The following TRIB3 variants were observed in gnomAD, a reference collection of about 807,000 sequenced individuals.
TRIB3 encodes tribbles homolog 3.
Under a neutral mutation model 16.6 loss-of-function variants are expected in TRIB3, and 20 were observed. That is an observed-to-expected ratio of 1.20 (90% CI 0.85 to 1.75). The LOEUF (loss-of-function observed/expected upper bound fraction) is 1.75. Ranked by LOEUF, TRIB3 falls within the 40% of genes most tolerant of loss-of-function variation. The pLI is 0.00. For synonymous variants in TRIB3, 208 were observed against 217.0 expected (o/e 0.96, Z 0.36); for missense variants, 484 against 488.9 (o/e 0.99, Z 0.10).
chr20:383,009 CGCACCAATGCCCATACCTGGGCAT>C (rs1568531651), intron 1 of TRIB3, among the ~76,000 whole-genome samples: 1 of 152,184 alleles, frequency 6.6e-6, no homozygotes, highest in East Asian at 1.9e-4. Context: ...TGAGGTCTCT[CGCACCAATGCCCATACCTGGGCAT>C]GCACCTCCTT....
intron 3 of TRIB3, among the ~76,000 whole-genome samples, chr20:395,302 C>T (rs1042757730): frequency 6.6e-6 from 1 of 151,934 alleles, no homozygotes; most frequent in Admixed American, 6.6e-5. Flanking sequence ...GCTGGGACTA[C>T]AGGTGCGAAT....
At chr20:393,199 C>T (rs548312018) in intron 3 of TRIB3, among the ~76,000 whole-genome samples, 27 of 152,288 alleles carry the variant, frequency 1.8e-4, no homozygotes, top group Non-Finnish European at 3.2e-4. Flanking sequence ...TCCCACTTCC[C>T]GAGTTTCCCA....
At chr20:384,765 G>A (rs2014754158) in intron 1 of TRIB3, among the ~76,000 whole-genome samples, 1 of 152,276 alleles carries the variant, frequency 6.6e-6, no homozygotes, top group Non-Finnish European at 1.5e-5. Context: ...ACTGTATGTG[G>A]TACTTCTGAA....
intron 2 of TRIB3, among the ~76,000 whole-genome samples, chr20:390,900 G>A (rs996371956): frequency 5.3e-5 from 8 of 151,592 alleles, no homozygotes; most frequent in Non-Finnish European, 7.4e-5. Flanking sequence ...TACACTGGGG[G>A]CTGAAGCGGG....
In TRIB3 at chr20:396,652, G is replaced by A. The variant is rs56342286; in HGVS notation, c.1039G>A (p.Glu347Lys). ...TGGACTGGGGCTGGACGAAGCCAGG[G>A]AAGAGGAGGGAGACAGAGAAGTGGT... is the stretch of plus-strand genomic sequence containing the variant. ...PDGLGLDEAREEEGDREVVLY... is the reference protein window; with the variant it reads ...PDGLGLDEARKEEGDREVVLY... Residue 347 changes from glutamate to lysine, a missense_variant, in exon 4 of 4, where the codon GAA (glutamate) becomes AAA (lysine). By Grantham distance (56) the Glu-to-Lys change is moderately conservative. Transcript: ENST00000217233. The A allele has an allele frequency of 2.2e-4, 353 of 1,612,638 alleles. 2 individuals are homozygous for A. In the East Asian group the frequency reaches 6.8e-3, roughly 31 times the overall value.
intron 3 of TRIB3, among the ~76,000 whole-genome samples, chr20:394,032 C>CTTTTTTTT (rs745870371): frequency 8.1e-6 from 1 of 123,658 alleles, no homozygotes; most frequent in Non-Finnish European, 1.7e-5. Flanking sequence ...TTCTTTCTTT[C>CTTTTTTTT]TTTTTTTTTT....
At chr20:390,003 TAC>T (rs1405853953) in intron 2 of TRIB3, among the ~76,000 whole-genome samples, 1 of 152,156 alleles carries the variant, frequency 6.6e-6, no homozygotes, top group African/African-American at 2.4e-5. Context: ...TAGTGGGAGA[TAC>T]AGACACTAAA....
intron 3 of TRIB3, among the ~76,000 whole-genome samples, chr20:392,626 G>A (rs1325746827): frequency 6.6e-6 from 1 of 151,792 alleles, no homozygotes; most frequent in East Asian, 1.9e-4. Context: ...GCGCGATCTT[G>A]GCTCACTGCA....
At chr20:384,385 G>A (rs2014739406) in intron 1 of TRIB3, among the ~76,000 whole-genome samples, 1 of 151,844 alleles carries the variant, frequency 6.6e-6, no homozygotes, top group Non-Finnish European at 1.5e-5. Context: ...CTTTTTTTGA[G>A]ACAGAGTCTT....
At chr20:388,327 C>T (rs762354893) in intron 2 of TRIB3, 26 bp downstream of exon 2, 3 of 1,578,622 alleles carry the variant, frequency 1.9e-6, no homozygotes, top group Non-Finnish European at 2.6e-6. Context: ...CGGCTGTCCC[C>T]CAGCACCACA....
In TRIB3 at chr20:388,904, G is replaced by A. The variant is rs140372961; in HGVS notation, c.291+603G>A. Among the ~76,000 whole-genome samples the A allele has an allele frequency of 4.1e-3, 630 of 152,212 alleles. 3 individuals are homozygous for A. The highest frequency in any genetic ancestry group is 0.014 in the African/African-American group (579 of 41,542). On this transcript the variant is annotated intron_variant, in intron 2 of 3. Coordinates refer to ENST00000217233, the MANE Select transcript of TRIB3 (RefSeq NM_021158.5). Reference sequence around the variant, plus strand: ...ATTTTACAGATAGGAAGACTGAGATGAAGACAGGAGAAGGGCCATGCGTGA... The same window carrying A: ...ATTTTACAGATAGGAAGACTGAGATAAAGACAGGAGAAGGGCCATGCGTGA...
At position 396,819 on chromosome 20, in the gene TRIB3, T is replaced by G. The variant is rs780202035; in HGVS notation, c.*129T>G. ...GAAGGGAGAAAGGCAGAAGCCTGTG[T>G]GGAGTGTGCTGTGTACACATCTGCT... On this transcript the variant is annotated 3_prime_UTR_variant, in exon 4 of 4. Coordinates refer to ENST00000217233, the MANE Select transcript of TRIB3 (RefSeq NM_021158.5). 305 of 1,376,526 alleles carry G rather than the reference T, an allele frequency of 2.2e-4. 1 individual carries two copies. Among genetic ancestry groups the G allele is most frequent in the Admixed American group, 4.3e-4 (18 of 41,722 alleles). The allele number at this position is 1,376,526 out of a possible 1,614,324, so 85.3% of individuals were successfully genotyped here.
rs781183054 is a variant in TRIB3, at chr20:396,575, C to T, written c.962C>T (p.Pro321Leu). Residue 321 changes from proline to leucine, a missense_variant, in exon 4 of 4, where the codon CCC becomes CTC. Physicochemically the swap from Pro to Leu is moderately conservative, Grantham distance 98. Coordinates refer to ENST00000217233, the MANE Select transcript of TRIB3 (RefSeq NM_021158.5). The stretch of plus-strand genomic sequence containing the variant: ...CCCTGGCTGCGACAGGACCCGATGC[C>T]CTTAGCCCCAACCCGATCCCATCTC... ...LHPWLRQDPM[P>L]LAPTRSHLWE... is the part of the protein sequence containing the mutation. 1.2e-6 allele frequency: 2 copies of T among 1,613,020 alleles called. No homozygotes were observed. The highest frequency in any genetic ancestry group is 1.7e-6 in the Non-Finnish European group (2 of 1,180,024).
At chr20:395,857 T>C (rs1230812261) in intron 3 of TRIB3, among the ~76,000 whole-genome samples, 1 of 152,180 alleles carries the variant, frequency 6.6e-6, no homozygotes, top group Non-Finnish European at 1.5e-5. Context: ...TTCCTGTTTC[T>C]CTCATCTTAT....
At chr20:384,117 A>G (rs1377728628) in intron 1 of TRIB3, among the ~76,000 whole-genome samples, 3 of 151,660 alleles carry the variant, frequency 2.0e-5, no homozygotes, top group Admixed American at 2.0e-4. Flanking sequence ...TCCATCTAGC[A>G]CCCCCTAGTC....
In TRIB3 at chr20:396,763, C is replaced by T; in HGVS notation, c.*73C>T. On this transcript the variant is annotated 3_prime_UTR_variant, in exon 4 of 4. Transcript: ENST00000217233. Reference sequence around the variant, plus strand: ...GGTAGCTCCAAGCCTTCTCCTGCCTCTGAACTGAGCCAAACCTTCAGTGCC... The same window carrying T: ...GGTAGCTCCAAGCCTTCTCCTGCCTTTGAACTGAGCCAAACCTTCAGTGCC... 6.6e-7 allele frequency: 1 copy of T among 1,525,420 alleles called. No individual in the cohort carries two copies. The highest frequency in any genetic ancestry group is 8.8e-7 in the Non-Finnish European group (1 of 1,141,344). 94.5% of individuals were successfully genotyped at this position (1,525,420 alleles called of 1,614,324 possible). A position where few individuals can be genotyped will look rare whatever the true frequency, so the allele number is the denominator to read the frequency against.
chr20:394,304 T>G (rs1024844435), intron 3 of TRIB3, among the ~76,000 whole-genome samples: 2 of 152,230 alleles, frequency 1.3e-5, no homozygotes, highest in African/African-American at 2.4e-5. Flanking sequence ...CATGGGCCGC[T>G]GCGCCCAGCC....
rs549482533 is a variant in TRIB3, at chr20:396,618, G to A, written c.1005G>A (p.Val335=). Residue 335 remains valine, a synonymous_variant, in exon 4 of 4, where the codon GTG becomes GTA. Coordinates refer to ENST00000217233, the MANE Select transcript of TRIB3 (RefSeq NM_021158.5). ...CCCATCTCTGGGAGGCTGCCCAGGTGGTCCCTGATGGACTGGGGCTGGACG... is the reference window on the plus strand; with the variant it reads ...CCCATCTCTGGGAGGCTGCCCAGGTAGTCCCTGATGGACTGGGGCTGGACG... ...TRSHLWEAAQ[V]VPDGLGLDEA... 3.1e-6 allele frequency: 5 copies of A among 1,613,132 alleles called. No homozygotes were observed. The African/African-American group carries it at 4.0e-5, about 13-fold the overall frequency.
chr20:392,557 AT>A (rs59477965), intron 3 of TRIB3, among the ~76,000 whole-genome samples: 108 of 147,716 alleles, frequency 7.3e-4, no homozygotes, highest in Non-Finnish European at 7.5e-4. Context: ...GATGCTAAGA[AT>A]TTTTTTTTTT....
Sources: gnomAD v4.1 joint callset for allele counts (sites outside exome capture counted in the v4.1 genomes callset) on GRCh38, gnomAD v4.1.1 for gene constraint, MANE v1.5 for transcripts, NCBI Gene and HGNC (gene_info 2026-07-23, HGNC 2026-07-21) for gene names.